Variants in ELP4 observed in about 807,000 individuals in gnomAD.
ELP4 encodes elongator complex protein 4.
In ELP4, 51 loss-of-function variants were observed where a neutral mutation model predicts 48.9. That is an observed-to-expected ratio of 1.04 (90% CI 0.83 to 1.32). The LOEUF (loss-of-function observed/expected upper bound fraction) is 1.32, where lower values mean the gene tolerates loss of function less well. Among genes scored for constraint, ELP4 ranks in the 40% most tolerant of loss-of-function variants. The pLI is 0.00. For synonymous variants in ELP4, 210 were observed against 189.2 expected (o/e 1.11, Z -0.90); for missense variants, 519 against 514.6 (o/e 1.01, Z -0.08).
intron 9 of ELP4, among the ~76,000 whole-genome samples, chr11:31,756,833 T>C (rs569323355): frequency 6.6e-6 from 1 of 152,354 alleles, no homozygotes; most frequent in African/African-American, 2.4e-5. Context: ...GCTTATCCTT[T>C]GACATAGATG....
chr11:31,516,783 C>T (rs1055952208), intron 1 of ELP4, among the ~76,000 whole-genome samples: 1 of 152,136 alleles, frequency 6.6e-6, no homozygotes, highest in Non-Finnish European at 1.5e-5. Flanking sequence ...TGAGCCACTG[C>T]ACCCGGACCT....
At chr11:31,635,084 T>C (rs559482642) in intron 7 of ELP4, among the ~76,000 whole-genome samples, 1 of 152,100 alleles carries the variant, frequency 6.6e-6, no homozygotes, top group East Asian at 1.9e-4. Flanking sequence ...TGAAAATGTT[T>C]AGGAGAAAAT....
intron 4 of ELP4, among the ~76,000 whole-genome samples, chr11:31,602,503 T>C (rs1450763721): frequency 6.6e-6 from 1 of 151,982 alleles, no homozygotes; most frequent in African/African-American, 2.4e-5. Flanking sequence ...TGAAAGTAAG[T>C]AGTACCTTAT....
At chr11:31,688,048 T>C (rs1231638626) in intron 9 of ELP4, among the ~76,000 whole-genome samples, 1 of 152,236 alleles carries the variant, frequency 6.6e-6, no homozygotes, top group Admixed American at 6.5e-5. Context: ...AATGAGGCCA[T>C]CTGTTAAAGC....
In ELP4 at chr11:31,772,803, GA is replaced by G. The variant is rs201603312; in HGVS notation, c.1144-10580del. ...AAGTAAAATGGGAGAGTAGATACTG[GA>G]AAAAAAAAATTATCAATCTCTGCCA... is the stretch of plus-strand genomic sequence containing the variant. On this transcript the variant is annotated intron_variant, in intron 9 of 9. Transcript: ENST00000640961. Among the ~76,000 whole-genome samples, 116 of 150,350 alleles carry G rather than the reference GA, an allele frequency of 7.7e-4. 1 individual carries two copies. The highest frequency in any genetic ancestry group is 2.6e-3 in the African/African-American group (106 of 41,034).
At chr11:31,692,373 T>G (rs1946298379) in intron 9 of ELP4, among the ~76,000 whole-genome samples, 1 of 152,176 alleles carries the variant, frequency 6.6e-6, no homozygotes, top group Admixed American at 6.6e-5. Flanking sequence ...ATCTAGAATC[T>G]AAAAAACATT....
Position 31,664,961 on chromosome 11 carries a change from T to C in ELP4, c.1143+14740T>C, listed in dbSNP as rs547442335. Among the ~76,000 whole-genome samples, 138 of 152,322 alleles carry C rather than the reference T, an allele frequency of 9.1e-4. 1 individual carries two copies. The highest frequency in any genetic ancestry group is 1.7e-3 in the Non-Finnish European group (115 of 68,024). Reference sequence around the variant, plus strand: ...AAGTATTTCCAAGCTGTAGTATGCATCTCAATTTCGATTTTGAACATGCAA... The same window carrying C: ...AAGTATTTCCAAGCTGTAGTATGCACCTCAATTTCGATTTTGAACATGCAA... On this transcript the variant is annotated intron_variant, in intron 9 of 9. Transcript: ENST00000640961.
At chr11:31,746,417 T>C (rs1049689151) in intron 9 of ELP4, among the ~76,000 whole-genome samples, 1 of 152,242 alleles carries the variant, frequency 6.6e-6, no homozygotes, top group Non-Finnish European at 1.5e-5. Context: ...TAAATCATGC[T>C]GCTATAAAGA....
chr11:31,682,875 T>A (rs983741273), intron 9 of ELP4, among the ~76,000 whole-genome samples: 1 of 152,130 alleles, frequency 6.6e-6, no homozygotes, highest in Non-Finnish European at 1.5e-5. Context: ...ATTTATGTAC[T>A]CATCACTTTC....
rs879371386 is a variant in ELP4, at chr11:31,746,050, AAAC to A, written c.1144-37339_1144-37337del. ...GAACTCAAACAAATTTACAAGAAAA[AAAC>A]AACCTCATCAAAAAGTGGGCAAAGG... On this transcript the variant is annotated intron_variant, in intron 9 of 9. Coordinates refer to ENST00000640961, the MANE Select transcript of ELP4 (RefSeq NM_019040.5). Among the ~76,000 whole-genome samples the A allele has an allele frequency of 4.2e-3, 641 of 152,312 alleles. 4 individuals are homozygous for A. Among genetic ancestry groups the A allele is most frequent in the Non-Finnish European group, 7.0e-3 (476 of 68,018 alleles).
intron 5 of ELP4, among the ~76,000 whole-genome samples, chr11:31,624,883 T>A (rs1349869171): frequency 6.6e-6 from 1 of 151,748 alleles, no homozygotes; most frequent in African/African-American, 2.4e-5. Flanking sequence ...AATATCACTG[T>A]CTTCTACCTC....
intron 9 of ELP4, among the ~76,000 whole-genome samples, chr11:31,697,778 C>G (rs554359291): frequency 6.6e-6 from 1 of 152,146 alleles, no homozygotes; most frequent in Non-Finnish European, 1.5e-5. Flanking sequence ...AGAAATACCA[C>G]TCTTCCAATG....
intron 9 of ELP4, among the ~76,000 whole-genome samples, chr11:31,781,172 G>A (rs1592307017): frequency 6.6e-6 from 1 of 152,108 alleles, no homozygotes; most frequent in African/African-American, 2.4e-5. Context: ...CTAAATATTT[G>A]TTGACTCCAC....
chr11:31,569,063 C>T (rs1172123941), intron 3 of ELP4, among the ~76,000 whole-genome samples: 8 of 148,828 alleles, frequency 5.4e-5, no homozygotes, highest in African/African-American at 9.9e-5. Flanking sequence ...CCAGCCTGGG[C>T]GACAGAGTGA....
At chr11:31,550,484 A>T (rs1196573013) in intron 3 of ELP4, among the ~76,000 whole-genome samples, 2 of 152,224 alleles carry the variant, frequency 1.3e-5, no homozygotes, top group African/African-American at 4.8e-5. Context: ...GAGTGATGAT[A>T]CCAGCCATTC....
At chr11:31,721,660 A>C (rs1946961676) in intron 9 of ELP4, among the ~76,000 whole-genome samples, 1 of 152,154 alleles carries the variant, frequency 6.6e-6, no homozygotes, top group African/African-American at 2.4e-5. Context: ...GCAGATTCAA[A>C]TTTGGCAGGA....
At chr11:31,637,921 G>A (rs1271431351) in intron 7 of ELP4, among the ~76,000 whole-genome samples, 1 of 151,846 alleles carries the variant, frequency 6.6e-6, no homozygotes, top group African/African-American at 2.4e-5. Context: ...GAGGTGAAAA[G>A]AAAATAAATT....
chr11:31,647,887 GCTGCTTCTAGGTTAC>G lies in ELP4; in HGVS notation c.1036+42_1036+56del, dbSNP rs1475216823. 4.8e-6 allele frequency: 6 copies of G among 1,261,330 alleles called. No individual in the cohort carries two copies. The African/African-American group carries it at 8.9e-5, about 19-fold the overall frequency. The allele number at this position is 1,261,330 out of a possible 1,614,324, so 78.1% of individuals were successfully genotyped here. A position where few individuals can be genotyped will look rare whatever the true frequency, so the allele number is the denominator to read the frequency against. Reference sequence around the variant, plus strand: ...TTCATAATGAGAAGAGCAGGAGCAGGCTGCTTCTAGGTTACCTGGAAGCATCCTATTCAATCCAAA... The same window carrying G: ...TTCATAATGAGAAGAGCAGGAGCAGGCTGGAAGCATCCTATTCAATCCAAA... On this transcript the variant is annotated intron_variant, in intron 8 of 9. Coordinates refer to ENST00000640961, the MANE Select transcript of ELP4 (RefSeq NM_019040.5).
intron 5 of ELP4, among the ~76,000 whole-genome samples, chr11:31,611,505 G>C (rs1957978669): frequency 6.6e-6 from 1 of 152,028 alleles, no homozygotes; most frequent in African/African-American, 2.4e-5. Context: ...TCATCTCACT[G>C]GATCTCATTG....
Sources: allele counts gnomAD v4.1 joint callset (sites outside exome capture counted in the v4.1 genomes callset), GRCh38; gene constraint gnomAD v4.1.1; transcripts MANE v1.5; gene names NCBI Gene and HGNC (gene_info 2026-07-23, HGNC 2026-07-21).